Variants in ITIH5 observed in about 807,000 individuals in gnomAD.
ITIH5 encodes the protein inter-alpha-trypsin inhibitor heavy chain H5.
In ITIH5, 65 loss-of-function variants were observed where a neutral mutation model predicts 77.5. The ratio of observed to expected loss-of-function variants is 0.84; its 90% CI spans 0.69 to 1.03. The LOEUF (loss-of-function observed/expected upper bound fraction) is 1.03, where lower values mean the gene tolerates loss of function less well. Ranked by LOEUF, ITIH5 falls within the 50% of genes least tolerant of loss-of-function variation. The pLI is 0.00. For synonymous variants in ITIH5, 525 were observed against 494.3 expected (o/e 1.06, Z -0.82); for missense variants, 1,208 against 1,213.1 (o/e 1.00, Z 0.06).
chr10:7,659,741 G>A (rs947250426), intron 1 of ITIH5, among the ~76,000 whole-genome samples: 7 of 152,146 alleles, frequency 4.6e-5, no homozygotes, highest in Non-Finnish European at 7.3e-5. Context: ...GATGTCTCAG[G>A]GGATCACTAT....
At chr10:7,599,213 A>T (rs1023302956) in intron 7 of ITIH5, among the ~76,000 whole-genome samples, 1 of 152,180 alleles carries the variant, frequency 6.6e-6, no homozygotes, top group African/African-American at 2.4e-5. Flanking sequence ...CAGAGGATTT[A>T]CATTCATTGT....
chr10:7,568,358 G>C (rs1832229040), intron 12 of ITIH5, among the ~76,000 whole-genome samples: 1 of 152,192 alleles, frequency 6.6e-6, no homozygotes, highest in Admixed American at 6.5e-5. Flanking sequence ...CATGAGAAGA[G>C]CCTATGCTCT....
intron 8 of ITIH5, among the ~76,000 whole-genome samples, chr10:7,584,653 G>GCA (rs1035400247): frequency 2.0e-5 from 3 of 152,016 alleles, no homozygotes; most frequent in Non-Finnish European, 4.4e-5. Context: ...CACTCCACCA[G>GCA]CACACACACA....
intron 10 of ITIH5, among the ~76,000 whole-genome samples, chr10:7,575,436 C>T (rs897170452): frequency 1.3e-5 from 2 of 152,096 alleles, no homozygotes; most frequent in Non-Finnish European, 2.9e-5. Context: ...AGAGTAGGGT[C>T]CGACCAAACT....
chr10:7,644,330 A>T (rs1833936538), intron 2 of ITIH5, among the ~76,000 whole-genome samples: 1 of 148,214 alleles, frequency 6.7e-6, no homozygotes, highest in Non-Finnish European at 1.5e-5. Context: ...TACATATCAC[A>T]TATATATCAC....
intron 11 of ITIH5, among the ~76,000 whole-genome samples, chr10:7,570,795 T>C (rs1554747599): frequency 6.6e-6 from 1 of 151,984 alleles, no homozygotes; most frequent in Non-Finnish European, 1.5e-5. Context: ...GCTAATTTTT[T>C]ATTTTTTGTA....
chr10:7,573,276 T>C, intron 10 of ITIH5, 81 bp from the exon 11 acceptor site: 1 of 1,169,534 alleles, frequency 8.6e-7, no homozygotes, highest in Non-Finnish European at 1.3e-6. Flanking sequence ...AGAGGAGACA[T>C]GAGCAAAACA....
chr10:7,639,375 G>C (rs76568821), intron 4 of ITIH5, among the ~76,000 whole-genome samples: 3,272 of 152,324 alleles, frequency 0.021, 125 homozygotes, highest in African/African-American at 0.075. Context: ...ACGACATTAA[G>C]ATAAACGTGG....
rs71383924 is a variant in ITIH5, at chr10:7,597,044, C to CAAAAAAAAAAAAA, written c.940-10988_940-10976dup. Among the ~76,000 whole-genome samples the CAAAAAAAAAAAAA allele has an allele frequency of 4.5e-3, 167 of 36,914 alleles. 30 individuals are homozygous for CAAAAAAAAAAAAA. Among genetic ancestry groups the CAAAAAAAAAAAAA allele is most frequent in the Middle Eastern group, 0.036 (1 of 28 alleles). The allele number at this position is 36,914 out of a possible 152,430, so 24.2% of individuals were successfully genotyped here. A position where few individuals can be genotyped will look rare whatever the true frequency, so the allele number is the denominator to read the frequency against. On this transcript the variant is annotated intron_variant, in intron 7 of 13. Transcript: ENST00000397146. The stretch of plus-strand genomic sequence containing the variant: ...CTGGGTGCAGAGTGAGTCTCCAACT[C>CAAAAAAAAAAAAA]AAAAAAAAAAAAAAAAAAAATTCCA...
At chr10:7,662,819 C>T (rs1887330) in intron 1 of ITIH5, among the ~76,000 whole-genome samples, 20,690 of 152,080 alleles carry the variant, frequency 0.14, 1,539 homozygotes, top group East Asian at 0.29. Context: ...ATAAGGGAGA[C>T]GTTATTGAAT....
intron 1 of ITIH5, among the ~76,000 whole-genome samples, chr10:7,665,631 T>A (rs898723737): frequency 6.6e-6 from 1 of 152,220 alleles, no homozygotes; most frequent in African/African-American, 2.4e-5. Flanking sequence ...GTCCACTGTA[T>A]ACCAGGTGCT....
chr10:7,569,944 G>A (rs959899768), intron 11 of ITIH5, among the ~76,000 whole-genome samples, 160 bp from the exon 12 acceptor site: 1 of 152,150 alleles, frequency 6.6e-6, no homozygotes, highest in East Asian at 1.9e-4. Flanking sequence ...AAGATGAGTG[G>A]GAGGGAAACA....
At chr10:7,652,739 G>T (rs1483759593) in intron 2 of ITIH5, among the ~76,000 whole-genome samples, 1 of 152,114 alleles carries the variant, frequency 6.6e-6, no homozygotes, top group Non-Finnish European at 1.5e-5. Flanking sequence ...GCACTTTTAT[G>T]TGGCAAACAT....
At chr10:7,613,269 A>C (rs1011202416) in intron 7 of ITIH5, among the ~76,000 whole-genome samples, 59 of 136,224 alleles carry the variant, frequency 4.3e-4, no homozygotes, top group African/African-American at 1.5e-3. Flanking sequence ...AAAAAAAAAA[A>C]AGAACTTGTA....
rs1833259276 is a variant in ITIH5, at chr10:7,612,162, A to G, written c.939+3820T>C. ...ATGCGTCAGGCATTTCTACATGAAG[A>G]CAGTCATCCCGATGGGGTTTATTAT... On this transcript the variant is annotated intron_variant, in intron 7 of 13. Transcript: ENST00000397146. 3.3e-5 allele frequency among the ~76,000 whole-genome samples: 5 copies of G among 152,200 alleles called. No individual in the cohort carries two copies. The South Asian group carries it at 8.3e-4, about 25-fold the overall frequency.
rs1214591374 is a variant in ITIH5, at chr10:7,644,741, CAT to C, written c.136-2653_136-2652del. ...TCATATATATCACATATCTATATCACATATATATCACATATATCACATATATA... is the reference window on the plus strand; with the variant it reads ...TCATATATATCACATATCTATATCACATATATCACATATATCACATATATA... On this transcript the variant is annotated intron_variant, in intron 2 of 13. Transcript: ENST00000397146. Among the ~76,000 whole-genome samples, 13 of 111,068 alleles carry C rather than the reference CAT, an allele frequency of 1.2e-4. 2 individuals are homozygous for C. The highest frequency in any genetic ancestry group is 6.7e-4 in the African/African-American group (12 of 17,996). 72.9% of individuals were successfully genotyped at this position (111,068 alleles called of 152,430 possible). A position where few individuals can be genotyped will look rare whatever the true frequency, so the allele number is the denominator to read the frequency against.
At chr10:7,646,130 G>A (rs1304148068) in intron 2 of ITIH5, among the ~76,000 whole-genome samples, 4 of 152,096 alleles carry the variant, frequency 2.6e-5, no homozygotes, top group African/African-American at 4.8e-5. Flanking sequence ...GTGAATTTGC[G>A]AAGCATCTAG....
intron 5 of ITIH5, among the ~76,000 whole-genome samples, chr10:7,630,119 C>T (rs1227467279): frequency 7.9e-5 from 12 of 152,110 alleles, no homozygotes; most frequent in Admixed American, 7.9e-4. Context: ...CAGGTGTAGT[C>T]GTATGACTTT....
At chr10:7,628,702 C>G (rs111232635) in intron 5 of ITIH5, among the ~76,000 whole-genome samples, 1 of 145,800 alleles carries the variant, frequency 6.9e-6, no homozygotes, top group African/African-American at 2.5e-5. Context: ...CATGTTGCAG[C>G]GTGTGTCCAT....
Sources: gnomAD v4.1 joint callset for allele counts (sites outside exome capture counted in the v4.1 genomes callset) on GRCh38, gnomAD v4.1.1 for gene constraint, MANE v1.5 for transcripts, NCBI Gene and HGNC (gene_info 2026-07-23, HGNC 2026-07-21) for gene names.